The following SRD5A2 variants were observed in gnomAD, a reference collection of about 807,000 sequenced individuals.
SRD5A2 encodes steroid 5 alpha-reductase 2.
A neutral mutation model predicts 27.4 loss-of-function variants in SRD5A2; 30 were observed. That is an observed-to-expected ratio of 1.10 (90% confidence interval 0.82 to 1.49). The LOEUF (loss-of-function observed/expected upper bound fraction) is 1.49, where lower values mean the gene tolerates loss of function less well. Among genes scored for constraint, SRD5A2 ranks in the 40% most tolerant of loss-of-function variants. The pLI is 0.00. For synonymous variants in SRD5A2, 141 were observed against 133.6 expected, an observed-to-expected ratio of 1.06 and a Z score of -0.38; for missense variants, 348 against 323.4, an observed-to-expected ratio of 1.08 and a Z score of -0.58.
At chr2:31,639,442 C>T in the SRD5A2 span, among the ~76,000 whole-genome samples, 1 of 151,986 alleles carries the variant, frequency 6.6e-6, no homozygotes, top group African/African-American at 2.4e-5. Flanking sequence ...GGGCTTTATA[C>T]CTTGAAAAGT....
chr2:31,636,084 T>G, the SRD5A2 span, among the ~76,000 whole-genome samples: 5 of 152,058 alleles, frequency 3.3e-5, no homozygotes, highest in Non-Finnish European at 2.9e-5. Context: ...GTGAAGAATG[T>G]CATTTTTTTA....
upstream of SRD5A2, among the ~76,000 whole-genome samples, chr2:31,584,852 C>T (rs1667149387): frequency 6.6e-6 from 1 of 152,208 alleles, no homozygotes; most frequent in Non-Finnish European, 1.5e-5. Context: ...CTCAAGTGAG[C>T]ACTTGCAGTA....
Position 31,524,228 on chromosome 2 carries a change from G to T in SRD5A2, c.*1968C>A, listed in dbSNP as rs1279035036. Reference sequence around the variant, plus strand: ...TTCAATGTCATGGAGAGAACTGGAAGTCTTTTATGTCACAGAGCTCAAGCT... The same window carrying T: ...TTCAATGTCATGGAGAGAACTGGAATTCTTTTATGTCACAGAGCTCAAGCT... On this transcript the variant is annotated 3_prime_UTR_variant, in exon 5 of 5. Transcript: ENST00000622030. 4.4e-6 allele frequency: 1 copy of T among 226,068 alleles called. No homozygotes were observed. The highest frequency in any genetic ancestry group is 8.8e-6 in the Non-Finnish European group (1 of 113,596). 14.0% of individuals were successfully genotyped at this position (226,068 alleles called of 1,614,324 possible).
At chr2:31,641,111 TG>T in the SRD5A2 span, among the ~76,000 whole-genome samples, 1 of 152,150 alleles carries the variant, frequency 6.6e-6, no homozygotes, top group Non-Finnish European at 1.5e-5. Flanking sequence ...AGGTTGTTGT[TG>T]GTAAAAATCT....
At chr2:31,535,785 C>T (rs1666015451) in intron 1 of SRD5A2, among the ~76,000 whole-genome samples, 4 of 152,198 alleles carry the variant, frequency 2.6e-5, no homozygotes, top group Admixed American at 2.6e-4. Context: ...GAAATTGAGT[C>T]TCTAATACCA....
the SRD5A2 span, among the ~76,000 whole-genome samples, chr2:31,642,599 A>C: frequency 1.3e-5 from 2 of 152,100 alleles, no homozygotes; most frequent in Non-Finnish European, 2.9e-5. Context: ...AAAGTTAACA[A>C]AAATGTTGAC....
At chr2:31,605,884 A>C in the SRD5A2 span, among the ~76,000 whole-genome samples, 7 of 152,022 alleles carry the variant, frequency 4.6e-5, no homozygotes, top group Non-Finnish European at 8.8e-5. Flanking sequence ...ATATCCAAGA[A>C]TTAGAAGCAA....
chr2:31,563,689 A>C (rs1427637409), intron 1 of SRD5A2, among the ~76,000 whole-genome samples: 3 of 152,138 alleles, frequency 2.0e-5, no homozygotes, highest in African/African-American at 7.2e-5. Flanking sequence ...AAGTATTAGC[A>C]GAGTGTTAAT....
the SRD5A2 span, among the ~76,000 whole-genome samples, chr2:31,625,163 G>C: frequency 0.049 from 7,487 of 152,220 alleles, 310 homozygotes; most frequent in Admixed American, 0.13. Context: ...GTCTTCTTTT[G>C]AGAAGTGTCT....
At chr2:31,590,878 G>C in the SRD5A2 span, among the ~76,000 whole-genome samples, 6 of 152,186 alleles carry the variant, frequency 3.9e-5, no homozygotes, top group Non-Finnish European at 8.8e-5. Flanking sequence ...AAACTGGCTA[G>C]CCATATGTTG....
chr2:31,551,889 T>C (rs1666387482), intron 1 of SRD5A2, among the ~76,000 whole-genome samples: 1 of 152,026 alleles, frequency 6.6e-6, no homozygotes, highest in Non-Finnish European at 1.5e-5. Flanking sequence ...AATAGAGCCA[T>C]AAAAATAGGC....
At chr2:31,529,580 C>T in intron 3 of SRD5A2, 123 bp from the exon 4 acceptor site, 1 of 1,332,988 alleles carries the variant, frequency 7.5e-7, no homozygotes, top group Admixed American at 2.7e-5. Context: ...AGGCTCCCTC[C>T]ATAGTCATAG....
intron 1 of SRD5A2, among the ~76,000 whole-genome samples, chr2:31,546,578 G>A (rs184550887): frequency 2.0e-5 from 3 of 152,234 alleles, no homozygotes; most frequent in Admixed American, 2.0e-4. Flanking sequence ...ATAAGTAGGA[G>A]CTAAACGTTG....
chr2:31,656,496 A>C, the SRD5A2 span, among the ~76,000 whole-genome samples: 1 of 152,116 alleles, frequency 6.6e-6, no homozygotes, highest in African/African-American at 2.4e-5. Context: ...GACCTTTGAG[A>C]ATTGACTAAG....
At chr2:31,641,312 G>A in the SRD5A2 span, among the ~76,000 whole-genome samples, 1 of 152,174 alleles carries the variant, frequency 6.6e-6, no homozygotes, top group Non-Finnish European at 1.5e-5. Flanking sequence ...GTCAGAAACT[G>A]TGAAAGCAAG....
chr2:31,610,538 T>C, the SRD5A2 span, among the ~76,000 whole-genome samples: 1 of 152,152 alleles, frequency 6.6e-6, no homozygotes, highest in Non-Finnish European at 1.5e-5. Flanking sequence ...TCATACTCAA[T>C]GCTGAAAGGT....
At chr2:31,658,642 A>C in the SRD5A2 span, among the ~76,000 whole-genome samples, 1 of 152,080 alleles carries the variant, frequency 6.6e-6, no homozygotes, top group African/African-American at 2.4e-5. Flanking sequence ...AATTCCTGGA[A>C]ATATACAATC....
chr2:31,659,307 A>G, the SRD5A2 span, among the ~76,000 whole-genome samples: 1 of 152,182 alleles, frequency 6.6e-6, no homozygotes, highest in African/African-American at 2.4e-5. Context: ...CTCCTATTCA[A>G]CATAGTACTG....
chr2:31,662,868 T>C, the SRD5A2 span, among the ~76,000 whole-genome samples: 2 of 152,162 alleles, frequency 1.3e-5, no homozygotes, highest in African/African-American at 4.8e-5. Context: ...CTTGTATGTG[T>C]GCATTTCTGA....
Sources: gnomAD v4.1 joint callset for allele counts (sites outside exome capture counted in the v4.1 genomes callset) on GRCh38, gnomAD v4.1.1 for gene constraint, MANE v1.5 for transcripts, NCBI Gene and HGNC (gene_info 2026-07-23, HGNC 2026-07-21) for gene names.